The following DCST1 variants were observed in gnomAD, a reference collection of about 807,000 sequenced individuals.
DCST1 encodes the protein E3 ubiquitin-protein ligase DCST1.
Under a neutral mutation model 89.1 loss-of-function variants are expected in DCST1, and 78 were observed. The ratio of observed to expected loss-of-function variants is 0.88; its 90% CI spans 0.73 to 1.06. DCST1 has a LOEUF of 1.06. Ranked by LOEUF, DCST1 falls within the 50% of genes least tolerant of loss-of-function variation. DCST1 has a pLI of 0.00. For synonymous variants in DCST1, 364 were observed against 371.9 expected (o/e 0.98, Z 0.24); for missense variants, 900 against 928.6 (o/e 0.97, Z 0.40).
At chr1:155,041,993 C>T in intron 8 of DCST1, 136 bp downstream of exon 8, 1 of 1,208,414 alleles carries the variant, frequency 8.3e-7, no homozygotes, top group South Asian at 1.5e-5. Context: ...TTAGAGCCCT[C>T]CACCTGCTGA....
rs932894276 is a variant in DCST1 at position 155,041,597 on chromosome 1, C to A, written c.732C>A (p.Thr244=). 2 of 1,614,004 alleles carry A rather than the reference C, an allele frequency of 1.2e-6. No individual in the cohort carries two copies. Among genetic ancestry groups the A allele is most frequent in the African/African-American group, 1.3e-5 (1 of 74,910 alleles). ...CACAGAAGATGTATGAGCTGAAGAC[C>A]AAGCTGCGTTGCTCCTGTGAGGGGT... ...LSTQKMYELK[T]KLRCSYVVNQ... is the part of the protein sequence containing the mutation. The change falls in exon 7 of 17, where the codon ACC becomes ACA. Residue 244 remains threonine (T), a synonymous_variant. Coordinates refer to ENST00000295542, the MANE Select transcript of DCST1 (RefSeq NM_152494.4).
At chr1:155,047,404 T>A in intron 14 of DCST1, 92 bp downstream of exon 14, 1 of 1,189,052 alleles carries the variant, frequency 8.4e-7, no homozygotes, top group Non-Finnish European at 1.2e-6. Context: ...GGCCTGGGCC[T>A]TGGGTGTGGA....
chr1:155,045,471 A>C, intron 10 of DCST1: 1 of 221,552 alleles, frequency 4.5e-6, no homozygotes. Context: ...GCCAAGAGGC[A>C]GGAATTTGTG....
At chr1:155,046,581 G>A in intron 13 of DCST1, 95 bp downstream of exon 13, 3 of 1,030,662 alleles carry the variant, frequency 2.9e-6, no homozygotes, top group African/African-American at 3.8e-5. Context: ...TCTTCCAACT[G>A]TGCCTCGTCC....
In DCST1 at chr1:155,044,850, G is replaced by A. The variant is rs533197352; in HGVS notation, c.1173-1043G>A. On this transcript the variant is annotated intron_variant, in intron 10 of 16. Coordinates refer to ENST00000295542, the MANE Select transcript of DCST1 (RefSeq NM_152494.4). Reference sequence around the variant, plus strand: ...GGAGGGAGGGCGGGAGGCCAGGCTGGGTTGGAGGTTAGGGAGCCTGGCCCG... The same window carrying A: ...GGAGGGAGGGCGGGAGGCCAGGCTGAGTTGGAGGTTAGGGAGCCTGGCCCG... 2.0e-5 allele frequency among the ~76,000 whole-genome samples: 3 copies of A among 152,348 alleles called. No individual in the cohort carries two copies. In the South Asian group the frequency reaches 6.2e-4, roughly 32 times the overall value.
At position 155,041,458 on chromosome 1, in the gene DCST1, A is replaced by G. The variant is rs753143310; in HGVS notation, c.593A>G (p.Asp198Gly). The G allele has an allele frequency of 6.2e-7, 1 of 1,614,054 alleles. No individual in the cohort carries two copies. Among genetic ancestry groups the G allele is most frequent in the Non-Finnish European group, 8.5e-7 (1 of 1,180,020 alleles). ...ATCTCCGCCACTTTTGAGGACCTGG[A>G]TGCCCAGGTGAATAGTGAGACGGGC... ...RNISATFEDLDAQVNSETGYT... is the reference protein window; with the variant it reads ...RNISATFEDLGAQVNSETGYT... Residue 198 changes from aspartate (D) to glycine (G), a missense_variant, in exon 7 of 17, where the codon GAT becomes GGT. Asp to Gly is a moderately conservative substitution (Grantham distance 94, BLOSUM62 -1). Transcript: ENST00000295542.
rs1660679643 is a variant in DCST1, at chr1:155,047,241, C to G, written c.1541C>G (p.Ala514Gly). Reference protein sequence around the residue: ...EVKVGGDSMLARLLRKTIGAL... With the variant: ...EVKVGGDSMLGRLLRKTIGAL... ...AAGGTCGGGGGAGACTCCATGCTAG[C>G]CCGGCTTCTTCGAAAAACCATTGGG... The change falls in exon 14 of 17, where the codon GCC becomes GGC. Residue 514 changes from alanine (A) to glycine (G), a missense_variant. Physicochemically the swap from Ala to Gly is moderately conservative, Grantham distance 60. Transcript: ENST00000295542. 6.2e-7 allele frequency: 1 copy of G among 1,614,072 alleles called. No individual in the cohort carries two copies. The highest frequency in any genetic ancestry group is 1.3e-5 in the African/African-American group (1 of 74,926).
At chr1:155,045,210 T>C (rs1660578748) in intron 10 of DCST1, 1 of 152,590 alleles carries the variant, frequency 6.6e-6, no homozygotes, top group African/African-American at 2.4e-5. Flanking sequence ...TTACAGAGTT[T>C]GTTTAATGTA....
chr1:155,034,150 C>A, intron 2 of DCST1, 53 bp downstream of exon 2: 1 of 1,606,728 alleles, frequency 6.2e-7, no homozygotes, highest in Non-Finnish European at 8.5e-7. Context: ...CTCATCCCAT[C>A]TCTCCTCCTG....
rs370538314 is a variant in DCST1 at position 155,046,408 on chromosome 1, C to T, written c.1417C>T (p.Leu473=). The T allele has an allele frequency of 1.2e-4, 188 of 1,613,896 alleles. No individual in the cohort carries two copies. The highest frequency in any genetic ancestry group is 1.5e-4 in the Non-Finnish European group (182 of 1,180,012). ...GCCCATTCTGCTGCTGCTGGTGGTG[C>T]TGTGTGGCTTGGACTGGGCTCTCTA... is the stretch of plus-strand genomic sequence containing the variant. ...TLPILLLLVV[L]CGLDWALYSI... Residue 473 remains leucine (L), a synonymous_variant, in exon 13 of 17, where the codon CTG becomes TTG. Transcript: ENST00000295542.
intron 16 of DCST1, among the ~76,000 whole-genome samples, chr1:155,048,582 G>A (rs1415088365): frequency 6.6e-6 from 1 of 152,134 alleles, no homozygotes; most frequent in Non-Finnish European, 1.5e-5. Context: ...TTACAGGCGT[G>A]AGCCACCAAG....
At position 155,046,466 on chromosome 1, in the gene DCST1, T is replaced by G. The variant is rs1325449714; in HGVS notation, c.1475T>G (p.Phe492Cys). The change falls in exon 13 of 17, where the codon TTC (phenylalanine) becomes TGC (cysteine). Residue 492 changes from phenylalanine (F) to cysteine (C), a missense_variant. Transcript: ENST00000295542. ...SIFDTIRHHS[F>C]LQYSFRSSHK... ...TTCGACACCATCCGCCACCACTCCT[T>G]CCTGCAGTACTCCTTCCGCAGTAAG... The G allele has an allele frequency of 4.3e-6, 7 of 1,614,016 alleles. No homozygotes were observed. In the South Asian group the frequency reaches 7.7e-5, roughly 18 times the overall value.
In DCST1 at chr1:155,041,494, A is replaced by C. The variant is rs751788937; in HGVS notation, c.629A>C (p.Glu210Ala). ...AATAGTGAGACGGGCTACACGCCTG[A>C]GGATACCATGGACTCAGGGGAGACA... ...QVNSETGYTP[E>A]DTMDSGETAQ... Residue 210 changes from glutamate to alanine, a missense_variant, in exon 7 of 17, where the codon GAG (glutamate) becomes GCG (alanine). By Grantham distance (107) the Glu-to-Ala change is moderately radical. Coordinates refer to ENST00000295542, the MANE Select transcript of DCST1 (RefSeq NM_152494.4). 1 of 1,614,086 alleles carries C rather than the reference A, an allele frequency of 6.2e-7. No homozygotes were observed. The highest frequency in any genetic ancestry group is 1.1e-5 in the South Asian group (1 of 91,084).
intron 6 of DCST1, among the ~76,000 whole-genome samples, chr1:155,040,931 G>T (rs556796661): frequency 6.6e-6 from 1 of 152,082 alleles, no homozygotes; most frequent in Non-Finnish European, 1.5e-5. Flanking sequence ...CAGAAGTTTC[G>T]AAGACAAGAG....
chr1:155,040,453 G>A (rs1660405914), intron 5 of DCST1, 32 bp from the exon 6 acceptor site: 2 of 1,586,174 alleles, frequency 1.3e-6, no homozygotes, highest in African/African-American at 1.3e-5. Context: ...TGGTTATACA[G>A]GGAGGTGACC....
Position 155,041,965 on chromosome 1 carries a change from C to T in DCST1, c.892+108C>T, listed in dbSNP as rs374251606. 370 of 1,474,694 alleles carry T rather than the reference C, an allele frequency of 2.5e-4. 2 individuals are homozygous for T. In the South Asian group the frequency reaches 4.6e-3, roughly 18 times the overall value. The allele number at this position is 1,474,694 out of a possible 1,614,324, so 91.4% of individuals were successfully genotyped here. ...AGCAACAGATGAGGAGGGTTTTGGC[C>T]CTGAGGCCACAGCATCCTTAGAGCC... On this transcript the variant is annotated intron_variant, in intron 8 of 16. Transcript: ENST00000295542.
intron 10 of DCST1, among the ~76,000 whole-genome samples, chr1:155,044,548 T>C (rs187365772): frequency 9.4e-5 from 14 of 149,408 alleles, no homozygotes; most frequent in East Asian, 3.9e-4. Flanking sequence ...AAGACAGAGA[T>C]GGTTCAAGGG....
At chr1:155,034,361 G>A (rs1286552270) in intron 2 of DCST1, 74 bp from the exon 3 acceptor site, 1 of 1,610,534 alleles carries the variant, frequency 6.2e-7, no homozygotes, top group Non-Finnish European at 8.5e-7. Flanking sequence ...CTATCCACCT[G>A]CAAGCCCTGA....
chr1:155,035,787 G>T (rs1473672923), intron 4 of DCST1, among the ~76,000 whole-genome samples: 1 of 151,876 alleles, frequency 6.6e-6, no homozygotes, highest in Non-Finnish European at 1.5e-5. Flanking sequence ...AAAATTAGCC[G>T]GATGTGGTGG....
Sources: gnomAD v4.1 joint callset for allele counts (sites outside exome capture counted in the v4.1 genomes callset) on GRCh38, gnomAD v4.1.1 for gene constraint, MANE v1.5 for transcripts, NCBI Gene and HGNC (gene_info 2026-07-23, HGNC 2026-07-21) for gene names.